Variants in RNH1 observed in about 807,000 individuals in gnomAD.
The protein encoded by RNH1 is ribonuclease inhibitor.
In RNH1, 38 loss-of-function variants were observed where a neutral mutation model predicts 46.1. The observed-to-expected ratio is 0.82, with a 90% CI of 0.64 to 1.08. The LOEUF (loss-of-function observed/expected upper bound fraction) is 1.08. Among genes scored for constraint, RNH1 ranks in the 50% least tolerant of loss-of-function variants. The probability of loss-of-function intolerance (pLI) is 0.00; values close to 1 mark genes in which losing one functional copy is unlikely to be tolerated. For synonymous variants in RNH1, 319 were observed against 279.1 expected (o/e 1.14, Z -1.43); for missense variants, 577 against 590.7 (o/e 0.98, Z 0.24).
intron 9 of RNH1, among the ~76,000 whole-genome samples, chr11:496,076 A>C (rs533877542): frequency 6.6e-6 from 1 of 152,304 alleles, no homozygotes; most frequent in Admixed American, 6.5e-5. Context: ...GGCACACCAA[A>C]AAAGAAACAT....
At chr11:503,565 G>A (rs932179760) in intron 2 of RNH1, 3 of 151,596 alleles carry the variant, frequency 2.0e-5, no homozygotes, top group African/African-American at 4.8e-5. Flanking sequence ...AACCGACCAG[G>A]GTGTGGTCAC....
At chr11:500,189 G>A (rs931221339) in intron 4 of RNH1, 190 bp from the exon 5 acceptor site, 1 of 714,528 alleles carries the variant, frequency 1.4e-6, no homozygotes, top group African/African-American at 1.8e-5. Context: ...CTCGACCCAG[G>A]GAAACCTTGT....
intron 1 of RNH1, chr11:506,802 C>A (rs1487867338): frequency 6.6e-6 from 1 of 152,312 alleles, no homozygotes; most frequent in Non-Finnish European, 1.5e-5. Context: ...CACGTGAGGA[C>A]GAACCACGCA....
rs1372455341 is a variant in RNH1 at position 502,388 on chromosome 11, C to A, written c.-87-139G>T. The stretch of plus-strand genomic sequence containing the variant: ...GTGGGGCAGGGGGCAGGGACCAGCA[C>A]CCACCCCCAGAAAGGCCACCATGGG... On this transcript the variant is annotated intron_variant, in intron 2 of 10. Transcript: ENST00000354420. The surrounding 1 kb of genome is among the most constrained non-coding windows in gnomAD (Gnocchi z 5.8). 3.4e-6 allele frequency: 2 copies of A among 582,536 alleles called. No individual in the cohort carries two copies. The highest frequency in any genetic ancestry group is 2.8e-5 in the East Asian group (1 of 35,838). 36.1% of individuals were successfully genotyped at this position (582,536 alleles called of 1,614,324 possible). A position where few individuals can be genotyped will look rare whatever the true frequency, so the allele number is the denominator to read the frequency against.
Position 498,943 on chromosome 11 carries a change from C to T in RNH1, c.615-10G>A, listed in dbSNP as rs566615416. The T allele has an allele frequency of 1.2e-5, 19 of 1,611,796 alleles. No individual in the cohort carries two copies. The highest frequency in any genetic ancestry group is 4.0e-5 in the African/African-American group (3 of 75,008). ...ACCGCAGCTCTCCAGCCTGGGGACA[C>T]GGGTCACACGTGAGGCAGCACGGGA... is the stretch of plus-strand genomic sequence containing the variant. On this transcript the variant is annotated splice_polypyrimidine_tract_variant and intron_variant, in intron 6 of 10. Coordinates refer to ENST00000354420, the MANE Select transcript of RNH1 (RefSeq NM_203387.3).
chr11:504,848 G>C lies in RNH1; in HGVS notation c.-112C>G, dbSNP rs1392248194. The C allele has an allele frequency of 3.9e-5, 6 of 151,992 alleles. No individual in the cohort carries two copies. Among genetic ancestry groups the C allele is most frequent in the Non-Finnish European group, 4.4e-5 (3 of 67,952 alleles). 9.4% of individuals were successfully genotyped at this position (151,992 alleles called of 1,614,324 possible). A position where few individuals can be genotyped will look rare whatever the true frequency, so the allele number is the denominator to read the frequency against. On this transcript the variant is annotated 5_prime_UTR_variant, in exon 2 of 11. Transcript: ENST00000354420. ...CCTGAGACACCCCTTTTTGCTACCAGACTGGAGAAGGTGGAACAGGTTGAC... is the reference window on the plus strand; with the variant it reads ...CCTGAGACACCCCTTTTTGCTACCACACTGGAGAAGGTGGAACAGGTTGAC...
At chr11:495,517 G>A (rs1355188221) in intron 9 of RNH1, among the ~76,000 whole-genome samples, 5 of 152,188 alleles carry the variant, frequency 3.3e-5, no homozygotes, top group East Asian at 1.9e-4. Context: ...GACAAAAGAG[G>A]ATGGGATAGA....
Position 502,312 on chromosome 11 carries a change from A to G in RNH1, c.-87-63T>C, listed in dbSNP as rs572632964. 27 of 666,644 alleles carry G rather than the reference A, an allele frequency of 4.1e-5. No individual in the cohort carries two copies. Among genetic ancestry groups the G allele is most frequent in the African/African-American group, 7.1e-5 (4 of 56,556 alleles). 41.3% of individuals were successfully genotyped at this position (666,644 alleles called of 1,614,324 possible). On this transcript the variant is annotated intron_variant, in intron 2 of 10. Coordinates refer to ENST00000354420, the MANE Select transcript of RNH1 (RefSeq NM_203387.3). The surrounding 1 kb of genome is among the most constrained non-coding windows in gnomAD (Gnocchi z 5.8). ...AGCCGCAGCCTCTCCCTGGGCAAAC[A>G]CTTCCTCTTCAGCACCCTCCCCACC...
rs781403408 is a variant in RNH1, at chr11:498,944, G to T, written c.615-11C>A. 6.2e-7 allele frequency: 1 copy of T among 1,612,056 alleles called. No individual in the cohort carries two copies. Among genetic ancestry groups the T allele is most frequent in the Non-Finnish European group, 8.5e-7 (1 of 1,179,420 alleles). On this transcript the variant is annotated splice_polypyrimidine_tract_variant and intron_variant, in intron 6 of 10. Coordinates refer to ENST00000354420, the MANE Select transcript of RNH1 (RefSeq NM_203387.3). The stretch of plus-strand genomic sequence containing the variant: ...CCGCAGCTCTCCAGCCTGGGGACAC[G>T]GGTCACACGTGAGGCAGCACGGGAC...
Position 502,305 on chromosome 11 carries a change from G to A in RNH1, c.-87-56C>T, listed in dbSNP as rs1849821883. 1.3e-5 allele frequency: 9 copies of A among 675,400 alleles called. No individual in the cohort carries two copies. The highest frequency in any genetic ancestry group is 1.9e-5 in the Non-Finnish European group (7 of 377,088). The allele number at this position is 675,400 out of a possible 1,614,324, so 41.8% of individuals were successfully genotyped here. A position where few individuals can be genotyped will look rare whatever the true frequency, so the allele number is the denominator to read the frequency against. ...CAGGAGGAGCCGCAGCCTCTCCCTG[G>A]GCAAACACTTCCTCTTCAGCACCCT... On this transcript the variant is annotated intron_variant, in intron 2 of 10. Transcript: ENST00000354420. This position sits in a 1 kb window ranked among gnomAD's most constrained non-coding sequence, Gnocchi z 5.8.
At chr11:496,069 A>T (rs548385134) in intron 9 of RNH1, among the ~76,000 whole-genome samples, 11 of 152,348 alleles carry the variant, frequency 7.2e-5, no homozygotes, top group African/African-American at 1.9e-4. Context: ...GCTCATGGGC[A>T]CACCAAAAAA....
At chr11:500,094 G>A in intron 4 of RNH1, 95 bp from the exon 5 acceptor site, 1 of 1,382,674 alleles carries the variant, frequency 7.2e-7, no homozygotes, top group Non-Finnish European at 9.6e-7. Context: ...CACTCTTCAG[G>A]CGGCAGGTCT....
At chr11:497,207 G>T (rs1849185417) in intron 9 of RNH1, among the ~76,000 whole-genome samples, 1 of 107,932 alleles carries the variant, frequency 9.3e-6, no homozygotes, top group African/African-American at 4.6e-5. Flanking sequence ...TCTCACCCAT[G>T]TGCTCACGTA....
In RNH1 at chr11:494,953, G is replaced by C; in HGVS notation, c.1228C>G (p.Leu410Val). ...LRELDLSNNC[L>V]GDAGILQLVE... Reference sequence around the variant, plus strand: ...AGCTGCAGGATGCCGGCGTCCCCCAGGCAGTTGTTGCTGAGGTCCAGCTCA... The same window carrying C: ...AGCTGCAGGATGCCGGCGTCCCCCACGCAGTTGTTGCTGAGGTCCAGCTCA... Residue 410 changes from leucine to valine, a missense_variant, in exon 10 of 11, where the codon CTG (leucine) becomes GTG (valine). Transcript: ENST00000354420. 1 of 1,607,700 alleles carries C rather than the reference G, an allele frequency of 6.2e-7. No individual in the cohort carries two copies. The highest frequency in any genetic ancestry group is 8.5e-7 in the Non-Finnish European group (1 of 1,177,502).
intron 8 of RNH1, 83 bp from the exon 9 acceptor site, chr11:498,224 C>T (rs776419087): frequency 6.8e-5 from 100 of 1,468,308 alleles, no homozygotes; most frequent in Non-Finnish European, 8.4e-5. Context: ...GAAGGCCCCA[C>T]GTGGACCTGA....
chr11:500,300 A>T, intron 4 of RNH1, 184 bp downstream of exon 4: 1 of 758,794 alleles, frequency 1.3e-6, no homozygotes, highest in Non-Finnish European at 2.1e-6. Context: ...TAAGGCAGGA[A>T]GGGCCCTGTC....
At chr11:497,147 ACT>A (rs1256974156) in intron 9 of RNH1, among the ~76,000 whole-genome samples, 8 of 144,858 alleles carry the variant, frequency 5.5e-5, no homozygotes, top group South Asian at 2.2e-4. Context: ...TCACATGGAC[ACT>A]CATGCTCACT....
rs950065208 is a variant in RNH1 at position 501,735 on chromosome 11, C to T, written c.101+327G>A. The stretch of plus-strand genomic sequence containing the variant: ...ACAAGCAGCGCCCCATGGAGGCTCA[C>T]GGAGGGGACCCAAGCTGTGTCCTGC... On this transcript the variant is annotated intron_variant, in intron 3 of 10. Transcript: ENST00000354420. The surrounding 1 kb of genome is among the most constrained non-coding windows in gnomAD (Gnocchi z 4.1). 3.7e-5 allele frequency: 12 copies of T among 327,650 alleles called. No homozygotes were observed. Among genetic ancestry groups the T allele is most frequent in the South Asian group, 2.0e-4 (4 of 19,930 alleles). 20.3% of individuals were successfully genotyped at this position (327,650 alleles called of 1,614,324 possible).
chr11:505,681 C>T (rs897197783), intron 1 of RNH1: 2 of 152,232 alleles, frequency 1.3e-5, no homozygotes, highest in Admixed American at 6.5e-5. Context: ...CCCTCAGCGT[C>T]CCAAGTAGCT....
Sources: allele counts gnomAD v4.1 joint callset (sites outside exome capture counted in the v4.1 genomes callset), GRCh38; gene constraint gnomAD v4.1.1; non-coding constraint Gnocchi (gnomAD v3.1); transcripts MANE v1.5; gene names NCBI Gene and HGNC (gene_info 2026-07-23, HGNC 2026-07-21).